Variants in CTTN observed in about 807,000 individuals in gnomAD.
The protein encoded by CTTN is src substrate cortactin.
Under a neutral mutation model 84.0 loss-of-function variants are expected in CTTN, and 28 were observed. The ratio of observed to expected loss-of-function variants is 0.33; its 90% CI spans 0.25 to 0.46. The LOEUF (loss-of-function observed/expected upper bound fraction) is 0.46. CTTN is among the 20% of genes least tolerant of loss of function. The pLI, the probability that CTTN is intolerant of heterozygous loss-of-function variation, is 1.00. For missense variants in CTTN, 641 were observed against 723.8 expected (o/e 0.89, Z 1.31); for synonymous variants, 301 against 288.8 (o/e 1.04, Z -0.43).
chr11:70,419,679 TA>T lies in CTTN; in HGVS notation c.569-63del. On this transcript the variant is annotated intron_variant, in intron 8 of 17. Coordinates refer to ENST00000301843, the MANE Select transcript of CTTN (RefSeq NM_005231.4). ...GATTTTTGTTTTTTTAATCAAAGGA[TA>T]AAATACTTGCATGTTCACTGATTTC... 3 of 1,362,080 alleles carry T rather than the reference TA, an allele frequency of 2.2e-6. No individual in the cohort carries two copies. The South Asian group carries it at 3.8e-5, about 17-fold the overall frequency. The allele number at this position is 1,362,080 out of a possible 1,614,324, so 84.4% of individuals were successfully genotyped here. A position where few individuals can be genotyped will look rare whatever the true frequency, so the allele number is the denominator to read the frequency against.
At chr11:70,421,653 C>A in intron 11 of CTTN, 73 bp downstream of exon 11, 1 of 1,045,174 alleles carries the variant, frequency 9.6e-7, no homozygotes. Context: ...GACTTCAGGG[C>A]TCACCGTCAG....
chr11:70,403,768 T>C (rs976855107), intron 1 of CTTN, among the ~76,000 whole-genome samples: 5 of 152,218 alleles, frequency 3.3e-5, no homozygotes, highest in Admixed American at 1.3e-4. Flanking sequence ...ATCAAACTTA[T>C]TTCCTATTGG....
At chr11:70,418,591 T>C (rs530392102) in intron 8 of CTTN, among the ~76,000 whole-genome samples, 1 of 152,316 alleles carries the variant, frequency 6.6e-6, no homozygotes, top group East Asian at 1.9e-4. Context: ...CTGAAGTTTC[T>C]GGAGGATGCT....
intron 13 of CTTN, among the ~76,000 whole-genome samples, chr11:70,426,803 T>C (rs1361176288): frequency 6.6e-6 from 1 of 151,704 alleles, no homozygotes; most frequent in African/African-American, 2.4e-5. Context: ...GGTTTCACCG[T>C]GTTAGCCAGG....
chr11:70,400,038 C>T (rs139597100), intron 1 of CTTN, among the ~76,000 whole-genome samples: 106 of 152,312 alleles, frequency 7.0e-4, no homozygotes, highest in African/African-American at 2.5e-3. Context: ...GAGAAGTATT[C>T]GCCAGATACT....
intron 16 of CTTN, 66 bp downstream of exon 16, chr11:70,433,344 C>A: frequency 6.7e-7 from 1 of 1,481,568 alleles, no homozygotes; most frequent in African/African-American, 1.4e-5. Flanking sequence ...CCTGCTCGAC[C>A]TGTGGCGTCG....
In CTTN at chr11:70,435,174, C is replaced by T. The variant is rs543537964; in HGVS notation, c.*12C>T. On this transcript the variant is annotated 3_prime_UTR_variant, in exon 18 of 18. Transcript: ENST00000301843. ...AGCTGCGGCAGTAGGGCCCCCAGCC[C>T]CCCCCCGGAGCTGCGCCCTGGATCC... 2.5e-6 allele frequency: 4 copies of T among 1,601,260 alleles called. No individual in the cohort carries two copies. The highest frequency in any genetic ancestry group is 1.1e-5 in the South Asian group (1 of 90,114).
At chr11:70,414,690 C>CA in intron 6 of CTTN, 38 bp downstream of exon 6, 1 of 1,488,134 alleles carries the variant, frequency 6.7e-7, no homozygotes, top group Non-Finnish European at 9.4e-7. Flanking sequence ...CAGGTTGGGG[C>CA]AAGGGGGGCG....
At position 70,429,129 on chromosome 11, in the gene CTTN, C is replaced by G; in HGVS notation, c.1106C>G (p.Ala369Gly). 1 of 1,614,064 alleles carries G rather than the reference C, an allele frequency of 6.2e-7. No homozygotes were observed. Among genetic ancestry groups the G allele is most frequent in the Middle Eastern group, 1.7e-4 (1 of 5,982 alleles). Residue 369 changes from alanine to glycine, a missense_variant, in exon 14 of 18, where the codon GCG becomes GGG. Ala to Gly is a moderately conservative substitution (Grantham distance 60, BLOSUM62 0). This residue lies in a region of CTTN where 289 missense variants were observed against 273.1 expected (regional missense o/e 1.06). Coordinates refer to ENST00000301843, the MANE Select transcript of CTTN (RefSeq NM_005231.4). ...KEKEQEDRRK[A>G]EAERAQRMAK... is the part of the protein sequence containing the mutation. ...AAAGAGCAGGAGGACAGGCGGAAGG[C>G]GGAGGCGGAGAGAGCCCAGCGGATG...
chr11:70,420,412 G>A lies in CTTN; in HGVS notation c.692G>A (p.Gly231Glu). 6.2e-7 allele frequency: 1 copy of A among 1,613,864 alleles called. No individual in the cohort carries two copies. The highest frequency in any genetic ancestry group is 8.5e-7 in the Non-Finnish European group (1 of 1,179,758). ...KHESQKDYVK[G>E]FGGKFGVQTD... ...ATTGTGCATGTAGACTATGTGAAAG[G>A]GTTTGGAGGAAAATTTGGTGTGCAG... Residue 231 changes from glycine (G) to glutamate (E), a missense_variant, in exon 10 of 18, where the codon GGG (glycine) becomes GAG (glutamate). By Grantham distance (98) the Gly-to-Glu change is moderately conservative. Coordinates refer to ENST00000301843, the MANE Select transcript of CTTN (RefSeq NM_005231.4).
At position 70,421,460 on chromosome 11, in the gene CTTN, G is replaced by A; in HGVS notation, c.791-10G>A. The A allele has an allele frequency of 6.3e-7, 1 of 1,594,436 alleles. No homozygotes were observed. The highest frequency in any genetic ancestry group is 8.6e-7 in the Non-Finnish European group (1 of 1,162,014). On this transcript the variant is annotated splice_polypyrimidine_tract_variant and intron_variant, in intron 10 of 17. Coordinates refer to ENST00000301843, the MANE Select transcript of CTTN (RefSeq NM_005231.4). ...GGTTGTTTTCCCCACCGTTGCTTGT[G>A]GATTTTCAGATTATAAGACTGGTTT...
At chr11:70,399,709 T>A (rs2135541194) in intron 1 of CTTN, among the ~76,000 whole-genome samples, 1 of 152,270 alleles carries the variant, frequency 6.6e-6, no homozygotes, top group African/African-American at 2.4e-5. Flanking sequence ...TTCCTCCCGC[T>A]GGAATCTGTG....
rs1270955896 is a variant in CTTN, at chr11:70,398,605, C to T, written c.-107C>T. The T allele has an allele frequency of 1.3e-5, 2 of 152,152 alleles. No individual in the cohort carries two copies. The highest frequency in any genetic ancestry group is 3.9e-4 in the East Asian group (2 of 5,160). 9.4% of individuals were successfully genotyped at this position (152,152 alleles called of 1,614,324 possible). ...AGGGCCGACCCGGGCCGGACCGACCCCAGGCGGCGGTGAGCGAGCGCGGCG... is the reference window on the plus strand; with the variant it reads ...AGGGCCGACCCGGGCCGGACCGACCTCAGGCGGCGGTGAGCGAGCGCGGCG... On this transcript the variant is annotated 5_prime_UTR_variant, in exon 1 of 18. Coordinates refer to ENST00000301843, the MANE Select transcript of CTTN (RefSeq NM_005231.4).
In CTTN at chr11:70,435,253, GTTTTTTT is replaced by G. The variant is rs370623790; in HGVS notation, c.*110_*116del. The G allele has an allele frequency of 1.7e-4, 161 of 938,500 alleles. No individual in the cohort carries two copies. The highest frequency in any genetic ancestry group is 5.2e-4 in the East Asian group (10 of 19,050). The allele number at this position is 938,500 out of a possible 1,614,324, so 58.1% of individuals were successfully genotyped here. ...TCTTGGGTGGTTTTGGGTTTTTTCTGTTTTTTTTTTTTTTTTTTTTTTTTTGAAGGTG... is the reference window on the plus strand; with the variant it reads ...TCTTGGGTGGTTTTGGGTTTTTTCTGTTTTTTTTTTTTTTTTTTGAAGGTG... On this transcript the variant is annotated 3_prime_UTR_variant, in exon 18 of 18. Transcript: ENST00000301843.
chr11:70,414,427 T>G, intron 5 of CTTN, 115 bp from the exon 6 acceptor site: 2 of 692,816 alleles, frequency 2.9e-6, no homozygotes, highest in South Asian at 1.8e-5. Context: ...GGTGTGTTAA[T>G]GTAAGGTTTC....
chr11:70,435,343 A>C lies in CTTN; in HGVS notation c.*181A>C. ...AATACTTTTGCTGATGCTTTTGAAA[A>C]TGTTTATGCCACAGAATTTGCTAAT... On this transcript the variant is annotated 3_prime_UTR_variant, in exon 18 of 18. Coordinates refer to ENST00000301843, the MANE Select transcript of CTTN (RefSeq NM_005231.4). 1 of 1,460,882 alleles carries C rather than the reference A, an allele frequency of 6.8e-7. No individual in the cohort carries two copies. The highest frequency in any genetic ancestry group is 9.0e-7 in the Non-Finnish European group (1 of 1,115,496). The allele number at this position is 1,460,882 out of a possible 1,614,324, so 90.5% of individuals were successfully genotyped here. A position where few individuals can be genotyped will look rare whatever the true frequency, so the allele number is the denominator to read the frequency against.
intron 1 of CTTN, among the ~76,000 whole-genome samples, chr11:70,404,373 C>T (rs918423725): frequency 5.9e-5 from 9 of 152,074 alleles, no homozygotes; most frequent in African/African-American, 1.7e-4. Flanking sequence ...GGGAAGGGGT[C>T]GTGTGCTTGG....
At position 70,436,001 on chromosome 11, in the gene CTTN, C is replaced by T. The variant is rs114309294; in HGVS notation, c.*839C>T. 3,583 of 1,428,322 alleles carry T rather than the reference C, an allele frequency of 2.5e-3. 83 individuals carry two copies. The African/African-American group carries it at 0.046, about 18-fold the overall frequency. 88.5% of individuals were successfully genotyped at this position (1,428,322 alleles called of 1,614,324 possible). A position where few individuals can be genotyped will look rare whatever the true frequency, so the allele number is the denominator to read the frequency against. On this transcript the variant is annotated 3_prime_UTR_variant, in exon 18 of 18. Coordinates refer to ENST00000301843, the MANE Select transcript of CTTN (RefSeq NM_005231.4). ...GTCTTAACTGTCACCCATATGGTCCCTGGGCCACCGGGCAGCCTGGGGCGG... is the reference window on the plus strand; with the variant it reads ...GTCTTAACTGTCACCCATATGGTCCTTGGGCCACCGGGCAGCCTGGGGCGG...
At chr11:70,422,873 T>G (rs1468277960) in intron 11 of CTTN, 67 bp from the exon 12 acceptor site, 1 of 1,611,074 alleles carries the variant, frequency 6.2e-7, no homozygotes, top group African/African-American at 1.3e-5. Context: ...TCTGTCTGCA[T>G]GCACCCACGG....
Sources: allele counts gnomAD v4.1 joint callset (sites outside exome capture counted in the v4.1 genomes callset), GRCh38; gene constraint gnomAD v4.1.1; regional missense constraint gnomAD v4.1.1; transcripts MANE v1.5; gene names NCBI Gene and HGNC (gene_info 2026-07-23, HGNC 2026-07-21).